PCDH15: variants seen among roughly 807,000 people sequenced by gnomAD.
PCDH15 encodes protocadherin related 15, also known as protocadherin-15.
In PCDH15, 129 loss-of-function variants were observed where a neutral mutation model predicts 178.5. The ratio of observed to expected loss-of-function variants is 0.72; its 90% CI spans 0.63 to 0.84. PCDH15 has a LOEUF of 0.84. PCDH15 is among the 40% of genes least tolerant of loss of function. PCDH15 has a pLI of 0.00. For synonymous variants in PCDH15, 800 were observed against 732.0 expected (o/e 1.09, Z -1.50); for missense variants, 2,230 against 2,099.9 (o/e 1.06, Z -1.21).
intron 2 of PCDH15, among the ~76,000 whole-genome samples, chr10:55,033,335 T>C (rs905553333): frequency 1.3e-5 from 2 of 152,092 alleles, no homozygotes; most frequent in Non-Finnish European, 2.9e-5. Flanking sequence ...CCATGAGAGC[T>C]GAAGGGAGCT....
At chr10:55,624,040 T>G (rs1236561837) in intron 2 of PCDH15, among the ~76,000 whole-genome samples, 1 of 152,024 alleles carries the variant, frequency 6.6e-6, no homozygotes, top group African/African-American at 2.4e-5. Context: ...ACATAGAAAT[T>G]GATTGTGTTT....
At chr10:54,831,011 T>C (rs1468737869) in intron 3 of PCDH15, among the ~76,000 whole-genome samples, 1 of 152,050 alleles carries the variant, frequency 6.6e-6, no homozygotes, top group Non-Finnish European at 1.5e-5. Context: ...TTGTATACCT[T>C]AGCAAAGGGT....
intron 21 of PCDH15, among the ~76,000 whole-genome samples, chr10:53,987,741 G>T (rs2134731837): frequency 6.6e-6 from 1 of 152,162 alleles, no homozygotes; most frequent in South Asian, 2.1e-4. Flanking sequence ...CAGAACTATG[G>T]TCCTTCATTT....
At chr10:55,513,837 C>T (rs954685730) in intron 2 of PCDH15, among the ~76,000 whole-genome samples, 12 of 152,016 alleles carry the variant, frequency 7.9e-5, no homozygotes, top group Middle Eastern at 3.2e-3. Flanking sequence ...TTATGAGAAG[C>T]TATCTTTTGT....
At chr10:54,233,403 T>C (rs927500443) in intron 9 of PCDH15, among the ~76,000 whole-genome samples, 2 of 152,256 alleles carry the variant, frequency 1.3e-5, no homozygotes, top group Non-Finnish European at 2.9e-5. Flanking sequence ...GAGTCATTGA[T>C]TAAAGAATGT....
chr10:54,512,074 A>C, intron 3 of PCDH15, among the ~76,000 whole-genome samples: 1 of 152,194 alleles, frequency 6.6e-6, no homozygotes, highest in African/African-American at 2.4e-5. Flanking sequence ...TAATGTCAAA[A>C]GCCAGCAATT....
At chr10:53,878,476 GTA>G (rs10683839) in intron 26 of PCDH15, among the ~76,000 whole-genome samples, 1 of 140,618 alleles carries the variant, frequency 7.1e-6, no homozygotes, top group Non-Finnish European at 1.5e-5. Flanking sequence ...CCATAGTATA[GTA>G]TATATATAAA....
intron 2 of PCDH15, among the ~76,000 whole-genome samples, chr10:54,546,831 C>T (rs1302549534): frequency 6.6e-6 from 1 of 152,184 alleles, no homozygotes; most frequent in African/African-American, 2.4e-5. Flanking sequence ...CCTCCTTCAA[C>T]ACCGCATGAT....
At position 53,806,406 on chromosome 10, in the gene PCDH15, T is replaced by TTGA. The variant is rs1415977362; in HGVS notation, c.*170_*172dup. ...AGGATTTTCTGGGAAAAACGATTAATTGATAACAATGTGAGTGCAAATCTG... is the reference window on the plus strand; with the variant it reads ...AGGATTTTCTGGGAAAAACGATTAATTGATGATAACAATGTGAGTGCAAATCTG... On this transcript the variant is annotated 3_prime_UTR_variant, in exon 38 of 38. Coordinates refer to ENST00000644397, the MANE Select transcript of PCDH15 (RefSeq NM_001384140.1). 9 of 580,534 alleles carry TTGA rather than the reference T, an allele frequency of 1.6e-5. No homozygotes were observed. Among genetic ancestry groups the TTGA allele is most frequent in the East Asian group, 1.4e-4 (5 of 34,882 alleles). The allele number at this position is 580,534 out of a possible 1,614,324, so 36.0% of individuals were successfully genotyped here.
At chr10:54,853,873 T>C (rs549181904) in intron 3 of PCDH15, among the ~76,000 whole-genome samples, 1 of 152,276 alleles carries the variant, frequency 6.6e-6, no homozygotes, top group South Asian at 2.1e-4. Flanking sequence ...CACAAGATCT[T>C]TGGGGTGTTG....
chr10:54,617,075 T>TA (rs1391913847), intron 2 of PCDH15, among the ~76,000 whole-genome samples: 3 of 151,850 alleles, frequency 2.0e-5, no homozygotes, highest in African/African-American at 7.3e-5. Context: ...TTTATTTTTT[T>TA]AAGTAGAGAC....
intron 30 of PCDH15, 161 bp downstream of exon 30, chr10:53,831,154 C>T (rs2076992949): frequency 1.2e-6 from 1 of 804,318 alleles, no homozygotes; most frequent in Non-Finnish European, 2.2e-6. Flanking sequence ...TACTGTTTTC[C>T]TTTTGAAGAA....
In PCDH15 at chr10:53,817,444, C is replaced by A. The variant is rs147891727; in HGVS notation, c.4452+551G>T. Reference sequence around the variant, plus strand: ...AAGCTTTAACCTAGTGATAGGATGGCGCCTTGAACTGGTAAAAAGATCAAA... The same window carrying A: ...AAGCTTTAACCTAGTGATAGGATGGAGCCTTGAACTGGTAAAAAGATCAAA... On this transcript the variant is annotated intron_variant, in intron 34 of 37. Transcript: ENST00000644397. Among the ~76,000 whole-genome samples the A allele has an allele frequency of 5.5e-3, 829 of 151,150 alleles. 8 individuals carry two copies. The highest frequency in any genetic ancestry group is 0.019 in the African/African-American group (781 of 41,166).
At position 55,449,166 on chromosome 10, in the gene PCDH15, G is replaced by A. The variant is rs185850880; in HGVS notation, c.-156+178459C>T. Among the ~76,000 whole-genome samples, 40 of 152,072 alleles carry A rather than the reference G, an allele frequency of 2.6e-4. No individual in the cohort carries two copies. The East Asian group carries it at 6.9e-3, about 26-fold the overall frequency. Reference sequence around the variant, plus strand: ...TAAGTATAGAGACAATCTCAAAAATGTCACCAATCACCTCATTCTCATTGT... The same window carrying A: ...TAAGTATAGAGACAATCTCAAAAATATCACCAATCACCTCATTCTCATTGT... On this transcript the variant is annotated intron_variant, in intron 2 of 5. Coordinates refer to the PCDH15 transcript ENST00000613346.
intron 20 of PCDH15, among the ~76,000 whole-genome samples, chr10:54,003,026 G>GCTTCATT (rs2092238261): frequency 1.3e-5 from 2 of 152,150 alleles, no homozygotes; most frequent in South Asian, 4.1e-4. Context: ...AAGGTCCGCA[G>GCTTCATT]CTTCATTCTT....
At chr10:55,218,808 C>T (rs1223888862) in intron 1 of PCDH15, among the ~76,000 whole-genome samples, 37 of 151,926 alleles carry the variant, frequency 2.4e-4, no homozygotes, top group Admixed American at 2.4e-3. Flanking sequence ...GCTCTGTGAC[C>T]CCATTTGACC....
chr10:54,114,032 C>T (rs1047949448), intron 15 of PCDH15, among the ~76,000 whole-genome samples: 5 of 152,112 alleles, frequency 3.3e-5, no homozygotes, highest in African/African-American at 7.2e-5. Flanking sequence ...ATCTCGCCCA[C>T]ATGATTCCAT....
chr10:54,395,410 T>G (rs756741143), intron 3 of PCDH15, among the ~76,000 whole-genome samples: 1 of 142,150 alleles, frequency 7.0e-6, no homozygotes, highest in Non-Finnish European at 1.5e-5. Context: ...TATTCCTGTC[T>G]ATCTCTATGT....
intron 3 of PCDH15, among the ~76,000 whole-genome samples, chr10:54,889,979 A>G (rs972523012): frequency 6.6e-6 from 1 of 152,010 alleles, no homozygotes; most frequent in East Asian, 1.9e-4. Flanking sequence ...CTTTTTATTT[A>G]TTAAATGATA....
Sources: allele counts gnomAD v4.1 joint callset (sites outside exome capture counted in the v4.1 genomes callset), GRCh38; gene constraint gnomAD v4.1.1; transcripts MANE v1.5; gene names NCBI Gene and HGNC (gene_info 2026-07-23, HGNC 2026-07-21).